UHMK1: variants seen among roughly 807,000 people sequenced by gnomAD.
The protein encoded by UHMK1 is U2AF homology motif kinase 1, also known as serine/threonine-protein kinase Kist.
A neutral mutation model predicts 44.0 loss-of-function variants in UHMK1; 18 were observed. That is an observed-to-expected ratio of 0.41 (90% CI 0.28 to 0.61). The LOEUF is 0.61. UHMK1 is among the 20% of genes least tolerant of loss of function. UHMK1 has a pLI of 0.31. For missense variants in UHMK1, 463 were observed against 522.5 expected (o/e 0.89, Z 1.11); for synonymous variants, 231 against 198.5 (o/e 1.16, Z -1.38).
At chr1:162,505,650 A>G (rs1223961544) in intron 4 of UHMK1, among the ~76,000 whole-genome samples, 1 of 152,212 alleles carries the variant, frequency 6.6e-6, no homozygotes, top group East Asian at 1.9e-4. Context: ...TATGTGGTCC[A>G]TTGTTGACCA....
chr1:162,510,901 C>T lies in UHMK1; in HGVS notation c.849-1599C>T, dbSNP rs1571011952. ...GCCTCCATACTACTTTCCATAATGG[C>T]TTTACTAATTTATATTCCCACCAAC... is the stretch of plus-strand genomic sequence containing the variant. On this transcript the variant is annotated intron_variant, in intron 4 of 7. Transcript: ENST00000489294. Among the ~76,000 whole-genome samples, 3 of 152,070 alleles carry T rather than the reference C, an allele frequency of 2.0e-5. No individual in the cohort carries two copies. The East Asian group carries it at 5.8e-4, about 29-fold the overall frequency.
chr1:162,520,495 G>A (rs1464142441), intron 7 of UHMK1, among the ~76,000 whole-genome samples: 3 of 152,172 alleles, frequency 2.0e-5, no homozygotes, highest in Non-Finnish European at 4.4e-5. Flanking sequence ...ACAGATTAAG[G>A]AAGAAACTTA....
Position 162,515,226 on chromosome 1 carries a change from C to T in UHMK1, c.1024+2403C>T, listed in dbSNP as rs183940880. ...TTCTTGTTCTCTGGCTTAACACTTA[C>T]TTTGTGCCTAGTACTTTATATATAT... On this transcript the variant is annotated intron_variant, in intron 6 of 7. Coordinates refer to ENST00000489294, the MANE Select transcript of UHMK1 (RefSeq NM_175866.5). Among the ~76,000 whole-genome samples, 4 of 152,214 alleles carry T rather than the reference C, an allele frequency of 2.6e-5. No individual in the cohort carries two copies. In the East Asian group the frequency reaches 5.8e-4, roughly 22 times the overall value.
intron 3 of UHMK1, among the ~76,000 whole-genome samples, chr1:162,502,133 T>G (rs950941837): frequency 6.6e-5 from 10 of 152,056 alleles, no homozygotes; most frequent in African/African-American, 2.2e-4. Context: ...ATCACAACAT[T>G]AAAGCCCCAC....
Position 162,498,028 on chromosome 1 carries a change from G to T in UHMK1, c.28G>T (p.Ala10Ser), listed in dbSNP as rs759446296. Residue 10 changes from alanine (A) to serine (S), a missense_variant, in exon 1 of 8, where the codon GCG becomes TCG. This residue lies in a region of UHMK1 where 191 missense variants were observed against 176.0 expected (regional missense o/e 1.09). Transcript: ENST00000489294. The stretch of plus-strand genomic sequence containing the variant: ...GGCGGGATCCGGCTGCGCCTGGGGC[G>T]CGGAGCCGCCGCGTTTTCTGGAGGC... Reference protein sequence around the residue: MAGSGCAWGAEPPRFLEAFG... With the variant: MAGSGCAWGSEPPRFLEAFG... 1 of 1,596,204 alleles carries T rather than the reference G, an allele frequency of 6.3e-7. No homozygotes were observed. Among genetic ancestry groups the T allele is most frequent in the East Asian group, 2.3e-5 (1 of 44,152 alleles).
intron 6 of UHMK1, among the ~76,000 whole-genome samples, chr1:162,516,519 G>A (rs772613110): frequency 1.1e-4 from 16 of 152,154 alleles, no homozygotes; most frequent in Non-Finnish European, 2.1e-4. Context: ...AAAAGACATC[G>A]TAGAATTTTG....
At chr1:162,509,345 A>C (rs1235527737) in intron 4 of UHMK1, among the ~76,000 whole-genome samples, 7 of 152,160 alleles carry the variant, frequency 4.6e-5, no homozygotes, top group Admixed American at 2.0e-4. Context: ...TTTGCACTGA[A>C]AGAAAGCTTT....
In UHMK1 at chr1:162,518,207, A is replaced by G. The variant is rs752539646; in HGVS notation, c.1113+17A>G. The G allele has an allele frequency of 1.2e-5, 18 of 1,528,436 alleles. No individual in the cohort carries two copies. The highest frequency in any genetic ancestry group is 5.0e-5 in the Admixed American group (3 of 59,688). The allele number at this position is 1,528,436 out of a possible 1,614,324, so 94.7% of individuals were successfully genotyped here. On this transcript the variant is annotated intron_variant, in intron 7 of 7. Transcript: ENST00000489294. ...AGAGGACAAGTAAGTGAATATTTTC[A>G]TAATTGCAGATTACTCAGAGGTTAT...
intron 6 of UHMK1, among the ~76,000 whole-genome samples, chr1:162,517,874 A>G (rs1651894370): frequency 6.9e-6 from 1 of 145,632 alleles, no homozygotes; most frequent in Non-Finnish European, 1.5e-5. Flanking sequence ...GACTCTGTCT[A>G]AAAAAAAAAA....
intron 4 of UHMK1, 114 bp downstream of exon 4, chr1:162,503,962 A>G (rs1032698658): frequency 6.3e-6 from 5 of 793,932 alleles, no homozygotes; most frequent in Non-Finnish European, 9.7e-6. Flanking sequence ...AACATAAGTA[A>G]TGAAATAGTT....
In UHMK1 at chr1:162,497,823, T is replaced by C. The variant is rs1370084792; in HGVS notation, c.-178T>C. ...TTCCTCCATTTCCGGCTTCTGGGAC[T>C]CGGGTGCACCACGGCTTCCGGTGTC... On this transcript the variant is annotated 5_prime_UTR_variant, in exon 1 of 8. Coordinates refer to ENST00000489294, the MANE Select transcript of UHMK1 (RefSeq NM_175866.5). The C allele has an allele frequency of 7.5e-7, 1 of 1,334,362 alleles. No homozygotes were observed. The highest frequency in any genetic ancestry group is 9.6e-7 in the Non-Finnish European group (1 of 1,046,672). The allele number at this position is 1,334,362 out of a possible 1,614,324, so 82.7% of individuals were successfully genotyped here. A position where few individuals can be genotyped will look rare whatever the true frequency, so the allele number is the denominator to read the frequency against.
At chr1:162,508,815 C>A (rs1388210673) in intron 4 of UHMK1, among the ~76,000 whole-genome samples, 1 of 149,110 alleles carries the variant, frequency 6.7e-6, no homozygotes, top group Non-Finnish European at 1.5e-5. Context: ...CTCTTCTTTT[C>A]TTTTCTTTCA....
chr1:162,499,993 A>G lies in UHMK1; in HGVS notation c.307A>G (p.Asn103Asp), dbSNP rs770286568. 2.6e-5 allele frequency: 42 copies of G among 1,614,008 alleles called. No homozygotes were observed. The highest frequency in any genetic ancestry group is 8.9e-5 in the East Asian group (4 of 44,892). Residue 103 changes from asparagine (N) to aspartate (D), a missense_variant, in exon 2 of 8, where the codon AAT becomes GAT. Asn to Asp is a conservative substitution (Grantham distance 23, BLOSUM62 1). Around this residue, in one of 3 missense-constraint regions of UHMK1, gnomAD observed 191 missense variants for 176.0 expected, o/e 1.09. Coordinates refer to ENST00000489294, the MANE Select transcript of UHMK1 (RefSeq NM_175866.5). ...YGVFTIHFSP[N>D]VPSRCLLLEL... ...AGTGTTTACAATCCACTTTTCTCCA[A>G]ATGTGCCATCACGCTGTCTGTTGCT...
At chr1:162,506,873 AAAAG>A (rs766080423) in intron 4 of UHMK1, among the ~76,000 whole-genome samples, 10 of 152,282 alleles carry the variant, frequency 6.6e-5, no homozygotes, top group African/African-American at 1.9e-4. Flanking sequence ...CAAGAAAAAA[AAAAG>A]AGTCACTTGG....
chr1:162,502,922 T>C (rs1262649831), intron 3 of UHMK1, among the ~76,000 whole-genome samples: 1 of 145,156 alleles, frequency 6.9e-6, no homozygotes, highest in Non-Finnish European at 1.5e-5. Flanking sequence ...GGTAAGTATT[T>C]AATAAATTTT....
chr1:162,511,963 A>T (rs576633637), intron 4 of UHMK1, among the ~76,000 whole-genome samples: 2 of 152,102 alleles, frequency 1.3e-5, no homozygotes, highest in South Asian at 4.2e-4. Flanking sequence ...TTTTCATATC[A>T]ATACCATGCT....
chr1:162,500,525 G>A (rs1651231403), intron 2 of UHMK1: 3 of 424,484 alleles, frequency 7.1e-6, no homozygotes, highest in Non-Finnish European at 1.3e-5. Flanking sequence ...AATTTTATGC[G>A]TGTTTGGCTA....
chr1:162,512,715 AT>A lies in UHMK1; in HGVS notation c.926-6del, dbSNP rs1210470747. 1.9e-6 allele frequency: 3 copies of A among 1,613,670 alleles called. No individual in the cohort carries two copies. The highest frequency in any genetic ancestry group is 2.5e-6 in the Non-Finnish European group (3 of 1,179,862). Reference sequence around the variant, plus strand: ...TTTACATTTAACCATATTATGATGAATTTTAACAGCCCCTCATATTGAAGAT... The same window carrying A: ...TTTACATTTAACCATATTATGATGAATTTAACAGCCCCTCATATTGAAGAT... On this transcript the variant is annotated splice_polypyrimidine_tract_variant and intron_variant, in intron 5 of 7. Coordinates refer to ENST00000489294, the MANE Select transcript of UHMK1 (RefSeq NM_175866.5).
At position 162,503,778 on chromosome 1, in the gene UHMK1, C is replaced by T; in HGVS notation, c.778C>T (p.His260Tyr). 1 of 1,613,944 alleles carries T rather than the reference C, an allele frequency of 6.2e-7. No individual in the cohort carries two copies. Among genetic ancestry groups the T allele is most frequent in the Non-Finnish European group, 8.5e-7 (1 of 1,179,954 alleles). Residue 260 changes from histidine (H) to tyrosine (Y), a missense_variant, in exon 4 of 8, where the codon CAC (histidine) becomes TAC (tyrosine). This residue lies in a region of UHMK1 where 264 missense variants were observed against 326.3 expected (regional missense o/e 0.81). Coordinates refer to ENST00000489294, the MANE Select transcript of UHMK1 (RefSeq NM_175866.5). ...WKANSSAIID[H>Y]IFASKAVVNA... ...GGCAAACAGTTCTGCTATTATTGAT[C>T]ACATATTTGCCAGTAAAGCAGTGGT...
Sources: allele counts gnomAD v4.1 joint callset (sites outside exome capture counted in the v4.1 genomes callset), GRCh38; gene constraint gnomAD v4.1.1; regional missense constraint gnomAD v4.1.1; transcripts MANE v1.5; gene names NCBI Gene and HGNC (gene_info 2026-07-23, HGNC 2026-07-21).